Variants in POC1B observed in about 807,000 individuals in gnomAD.
The protein encoded by POC1B is POC1 centriolar protein B, also known as POC1 centriolar protein homolog B.
Under a neutral mutation model 60.6 loss-of-function variants are expected in POC1B, and 44 were observed. The ratio of observed to expected loss-of-function variants is 0.73; its 90% CI spans 0.57 to 0.93. The LOEUF (loss-of-function observed/expected upper bound fraction) is 0.93, where lower values mean the gene tolerates loss of function less well. Ranked by LOEUF, POC1B falls within the 40% of genes least tolerant of loss-of-function variation. The pLI is 0.00. For synonymous variants in POC1B, 180 were observed against 198.9 expected (o/e 0.90, Z 0.80); for missense variants, 555 against 572.3 (o/e 0.97, Z 0.31).
intron 10 of POC1B, among the ~76,000 whole-genome samples, chr12:89,458,909 A>C (rs931777105): frequency 6.6e-6 from 1 of 152,204 alleles, no homozygotes; most frequent in Non-Finnish European, 1.5e-5. Context: ...TAAAATTCTT[A>C]ATCTTTGAAA....
At chr12:89,512,147 A>G (rs1870220026) in intron 2 of POC1B, among the ~76,000 whole-genome samples, 1 of 152,240 alleles carries the variant, frequency 6.6e-6, no homozygotes, top group Non-Finnish European at 1.5e-5. Flanking sequence ...ATACTGTAAT[A>G]TGGTCAGAAG....
At position 89,521,537 on chromosome 12, in the gene POC1B, G is replaced by A. The variant is rs114534886; in HGVS notation, c.100+3583C>T. On this transcript the variant is annotated intron_variant, in intron 2 of 11. Transcript: ENST00000313546. ...AAGTATTGTAAAGATTGCACAGTGA[G>A]TCAATCTGGGAAGAATATACTGTAC... is the stretch of plus-strand genomic sequence containing the variant. The A allele has an allele frequency of 6.4e-3, 981 of 154,262 alleles. 15 individuals are homozygous for A. The highest frequency in any genetic ancestry group is 0.022 in the African/African-American group (929 of 41,658). The allele number at this position is 154,262 out of a possible 1,614,324, so 9.6% of individuals were successfully genotyped here. A position where few individuals can be genotyped will look rare whatever the true frequency, so the allele number is the denominator to read the frequency against.
At chr12:89,450,172 A>C (rs566095046) in intron 10 of POC1B, among the ~76,000 whole-genome samples, 56 of 152,318 alleles carry the variant, frequency 3.7e-4, no homozygotes, top group African/African-American at 1.2e-3. Flanking sequence ...AGAAAAAAGG[A>C]AAACATATTT....
intron 2 of POC1B, among the ~76,000 whole-genome samples, chr12:89,512,586 C>T (rs1282228338): frequency 3.9e-5 from 6 of 152,076 alleles, no homozygotes; most frequent in African/African-American, 1.2e-4. Context: ...TAGCGAGGCT[C>T]TCTACAAACA....
At chr12:89,501,805 T>C (rs1869582017) in intron 2 of POC1B, 4 of 1,089,054 alleles carry the variant, frequency 3.7e-6, no homozygotes, top group East Asian at 4.7e-5. Flanking sequence ...AAATCAGTCA[T>C]CTAAGAATAT....
chr12:89,441,767 T>C (rs1208627470), intron 10 of POC1B, among the ~76,000 whole-genome samples: 1 of 152,236 alleles, frequency 6.6e-6, no homozygotes, highest in Non-Finnish European at 1.5e-5. Context: ...GGATGGAGAA[T>C]GACTTTGACA....
chr12:89,439,430 T>G (rs1881419470), intron 10 of POC1B, among the ~76,000 whole-genome samples: 1 of 152,162 alleles, frequency 6.6e-6, no homozygotes, highest in African/African-American at 2.4e-5. Context: ...GATCAGCACT[T>G]CTCAAACTTT....
chr12:89,416,250 C>A (rs1394552874), downstream of POC1B, among the ~76,000 whole-genome samples: 1 of 151,968 alleles, frequency 6.6e-6, no homozygotes, highest in African/African-American at 2.4e-5. Flanking sequence ...GCTGAGGAAG[C>A]ACAACAGAAA....
chr12:89,419,200 C>T (rs979499501), downstream of POC1B, among the ~76,000 whole-genome samples: 1 of 151,890 alleles, frequency 6.6e-6, no homozygotes, highest in Non-Finnish European at 1.5e-5. Context: ...GGTTTTGGAC[C>T]TATCTAGAGA....
chr12:89,501,391 G>A (rs1256958930), intron 2 of POC1B: 1 of 1,008,362 alleles, frequency 9.9e-7, no homozygotes, highest in East Asian at 2.4e-5. Flanking sequence ...GGCTAAACCA[G>A]CTGAAGAACA....
At chr12:89,457,044 A>G (rs561494101) in intron 10 of POC1B, among the ~76,000 whole-genome samples, 1 of 152,260 alleles carries the variant, frequency 6.6e-6, no homozygotes, top group South Asian at 2.1e-4. Flanking sequence ...AAACAAATCA[A>G]CCCTCAAAAG....
At chr12:89,479,707 C>T (rs537789587) in intron 4 of POC1B, among the ~76,000 whole-genome samples, 7 of 151,934 alleles carry the variant, frequency 4.6e-5, no homozygotes, top group Non-Finnish European at 7.4e-5. Context: ...TACTGGGCAC[C>T]GAGATAGACA....
At chr12:89,499,628 T>A (rs906865932) in intron 2 of POC1B, among the ~76,000 whole-genome samples, 12 of 151,564 alleles carry the variant, frequency 7.9e-5, no homozygotes, top group Admixed American at 1.3e-4. Context: ...GATTTTTTTT[T>A]AATTGTGTTC....
chr12:89,403,181 T>C, the POC1B span, among the ~76,000 whole-genome samples: 1 of 152,048 alleles, frequency 6.6e-6, no homozygotes, highest in East Asian at 1.9e-4. Flanking sequence ...CTAATTTTTG[T>C]ATTTTTAGTA....
At chr12:89,492,471 C>T (rs1437121365) in intron 3 of POC1B, among the ~76,000 whole-genome samples, 2 of 152,124 alleles carry the variant, frequency 1.3e-5, no homozygotes, top group African/African-American at 2.4e-5. Context: ...GTCAGTGTTC[C>T]CAAGTTGCCA....
At chr12:89,523,592 AT>A (rs1871121774) in intron 2 of POC1B, 2 of 1,567,444 alleles carry the variant, frequency 1.3e-6, no homozygotes, top group Non-Finnish European at 1.7e-6. Flanking sequence ...TACTGAAAAT[AT>A]TTCTTGCTGA....
At chr12:89,514,427 T>TTTTTTTTTTC (rs1870348442) in intron 2 of POC1B, among the ~76,000 whole-genome samples, 1 of 144,826 alleles carries the variant, frequency 6.9e-6, no homozygotes, top group Non-Finnish European at 1.5e-5. Context: ...TTTTTTTTTT[T>TTTTTTTTTTC]AGACGAAGTC....
chr12:89,430,531 C>T (rs1408319602), intron 10 of POC1B, among the ~76,000 whole-genome samples: 4 of 152,158 alleles, frequency 2.6e-5, no homozygotes, highest in East Asian at 3.8e-4. Flanking sequence ...TGCTCAACTA[C>T]GTGCGAAAGT....
At chr12:89,432,340 C>G (rs926564411) in intron 10 of POC1B, among the ~76,000 whole-genome samples, 1 of 125,620 alleles carries the variant, frequency 8.0e-6, no homozygotes, top group Non-Finnish European at 1.6e-5. Context: ...GAGCCCAGAT[C>G]GAGCCACTGT....
Sources: allele counts gnomAD v4.1 joint callset (sites outside exome capture counted in the v4.1 genomes callset), GRCh38; gene constraint gnomAD v4.1.1; transcripts MANE v1.5; gene names NCBI Gene and HGNC (gene_info 2026-07-23, HGNC 2026-07-21).